The following KCNT2 variants were observed in gnomAD, a reference collection of about 807,000 sequenced individuals.
The protein encoded by KCNT2 is potassium sodium-activated channel subfamily T member 2.
Under a neutral mutation model 153.8 loss-of-function variants are expected in KCNT2, and 67 were observed. The ratio of observed to expected loss-of-function variants is 0.44; its 90% CI spans 0.36 to 0.53. KCNT2 has a LOEUF of 0.53. Ranked by LOEUF, KCNT2 falls within the 20% of genes least tolerant of loss-of-function variation. The probability of loss-of-function intolerance (pLI) is 0.00; values close to 1 mark genes in which losing one functional copy is unlikely to be tolerated. For missense variants in KCNT2, 975 were observed against 1,354.8 expected (o/e 0.72, Z 4.40); for synonymous variants, 500 against 458.8 (o/e 1.09, Z -1.15).
intron 25 of KCNT2, among the ~76,000 whole-genome samples, chr1:196,271,047 C>A (rs1276849487): frequency 6.6e-6 from 1 of 151,898 alleles, no homozygotes; most frequent in Non-Finnish European, 1.5e-5. Context: ...CACACACACA[C>A]AAACACACAC....
chr1:196,540,480 T>C (rs1183389386), intron 1 of KCNT2, among the ~76,000 whole-genome samples: 1 of 152,158 alleles, frequency 6.6e-6, no homozygotes, highest in African/African-American at 2.4e-5. Context: ...AATTATGCAA[T>C]GCAAAATAAA....
chr1:196,451,407 A>ATTTTTTTTTTTT (rs35621901), intron 8 of KCNT2, among the ~76,000 whole-genome samples: 33 of 62,884 alleles, frequency 5.2e-4, no homozygotes, highest in African/African-American at 1.5e-3. Flanking sequence ...CACCCAACAC[A>ATTTTTTTTTTTT]TTTTTTTTTT....
chr1:196,429,870 C>A (rs1673982803), intron 8 of KCNT2, 113 bp from the exon 9 acceptor site: 1 of 635,688 alleles, frequency 1.6e-6, no homozygotes, highest in Non-Finnish European at 2.7e-6. Flanking sequence ...AATAGTCCCT[C>A]TTATATTTTA....
At chr1:196,468,902 T>G in intron 6 of KCNT2, 92 bp downstream of exon 6, 3 of 754,088 alleles carry the variant, frequency 4.0e-6, no homozygotes, top group Non-Finnish European at 6.7e-6. Context: ...CCATTTATCT[T>G]AGCTACCATA....
intron 12 of KCNT2, among the ~76,000 whole-genome samples, chr1:196,412,453 T>C (rs1349904523): frequency 6.6e-6 from 1 of 151,762 alleles, no homozygotes; most frequent in Admixed American, 6.6e-5. Context: ...AATAATGTTA[T>C]ACTAGGGTAC....
intron 21 of KCNT2, among the ~76,000 whole-genome samples, chr1:196,306,127 C>T (rs567504889): frequency 6.6e-6 from 1 of 152,114 alleles, no homozygotes; most frequent in East Asian, 1.9e-4. Flanking sequence ...CTATGCATCC[C>T]TGGTAGCTTT....
intron 1 of KCNT2, among the ~76,000 whole-genome samples, chr1:196,580,025 G>A (rs1388387865): frequency 6.6e-6 from 1 of 152,122 alleles, no homozygotes; most frequent in African/African-American, 2.4e-5. Flanking sequence ...CATGTGGAAA[G>A]GTAGAATAAA....
chr1:196,257,941 A>G (rs1656658636), intron 26 of KCNT2: 1 of 1,119,364 alleles, frequency 8.9e-7, no homozygotes, highest in Non-Finnish European at 1.1e-6. Flanking sequence ...TTTTTGTGAA[A>G]ATTAAAATTA....
intron 25 of KCNT2, among the ~76,000 whole-genome samples, chr1:196,277,567 G>T (rs962475371): frequency 2.0e-5 from 3 of 152,108 alleles, no homozygotes; most frequent in African/African-American, 7.2e-5. Flanking sequence ...CAGCAGCAAA[G>T]CTTTCTGAAC....
chr1:196,537,979 G>A (rs1655828470), intron 1 of KCNT2, among the ~76,000 whole-genome samples: 1 of 152,164 alleles, frequency 6.6e-6, no homozygotes, highest in South Asian at 2.1e-4. Context: ...TGCACCTGAA[G>A]GTCCCCATTC....
chr1:196,389,332 A>G (rs1385537485), intron 13 of KCNT2, among the ~76,000 whole-genome samples: 2 of 151,694 alleles, frequency 1.3e-5, no homozygotes, highest in Non-Finnish European at 3.0e-5. Context: ...CTAATCAAAT[A>G]ATGCCGGCCT....
chr1:196,573,237 G>A (rs969504584), intron 1 of KCNT2, among the ~76,000 whole-genome samples: 3 of 152,098 alleles, frequency 2.0e-5, no homozygotes, highest in African/African-American at 7.2e-5. Flanking sequence ...CTAAAAAAGA[G>A]AGAATTGTGA....
intron 11 of KCNT2, 102 bp from the exon 12 acceptor site, chr1:196,423,215 A>T (rs1305816873): frequency 1.5e-6 from 1 of 652,534 alleles, no homozygotes; most frequent in Non-Finnish European, 2.7e-6. Flanking sequence ...CACAAAATGT[A>T]CATGTAGACC....
At chr1:196,284,544 T>C (rs1659478159) in intron 23 of KCNT2, among the ~76,000 whole-genome samples, 1 of 151,870 alleles carries the variant, frequency 6.6e-6, no homozygotes, top group Admixed American at 6.6e-5. Context: ...TTGGCTCCTA[T>C]TGATATAAAA....
Position 196,226,530 on chromosome 1 carries a change from G to A in KCNT2, c.*1694C>T, listed in dbSNP as rs1054541127. 1 of 151,602 alleles carries A rather than the reference G, an allele frequency of 6.6e-6. No individual in the cohort carries two copies. The highest frequency in any genetic ancestry group is 2.4e-5 in the African/African-American group (1 of 41,330). 9.4% of individuals were successfully genotyped at this position (151,602 alleles called of 1,614,324 possible). ...TCTGATCAAAGTAGATTAAATACAG[G>A]GTCTCTGTTTTAGGGGTAATTCTTG... On this transcript the variant is annotated 3_prime_UTR_variant, in exon 28 of 28. Coordinates refer to ENST00000294725, the MANE Select transcript of KCNT2 (RefSeq NM_198503.5).
intron 1 of KCNT2, among the ~76,000 whole-genome samples, chr1:196,547,709 T>C (rs1657293619): frequency 6.6e-6 from 1 of 151,976 alleles, no homozygotes; most frequent in African/African-American, 2.4e-5. Context: ...TGTCTAAAAT[T>C]ATCACATCAA....
At chr1:196,398,769 T>C in intron 12 of KCNT2, 98 bp from the exon 13 acceptor site, 2 of 591,106 alleles carry the variant, frequency 3.4e-6, no homozygotes, top group Non-Finnish European at 5.9e-6. Flanking sequence ...ACATCCATAG[T>C]TAAAACTTAA....
intron 3 of KCNT2, among the ~76,000 whole-genome samples, chr1:196,484,956 C>G (rs1679307283): frequency 6.6e-6 from 1 of 151,972 alleles, no homozygotes; most frequent in African/African-American, 2.4e-5. Flanking sequence ...GGTATATAAC[C>G]AAAGGAGTAT....
Position 196,423,111 on chromosome 1 carries a change from A to T in KCNT2, c.1124T>A (p.Met375Lys), listed in dbSNP as rs551415738. 1 of 1,596,378 alleles carries T rather than the reference A, an allele frequency of 6.3e-7. No homozygotes were observed. Among genetic ancestry groups the T allele is most frequent in the East Asian group, 2.3e-5 (1 of 44,236 alleles). The change falls in exon 12 of 28, where the codon ATG (methionine) becomes AAG (lysine). Residue 375 changes from methionine (M) to lysine (K), a missense_variant and splice_region_variant. By Grantham distance (95) the Met-to-Lys change is moderately conservative. This residue lies in a region of KCNT2 where 202 missense variants were observed against 314.9 expected (regional missense o/e 0.64). Transcript: ENST00000294725. Reference sequence around the variant, plus strand: ...AATAAAACAGGCCTCAGCGTCATCCATCCTAAATACAGATGGAAAAACAAA... The same window carrying T: ...AATAAAACAGGCCTCAGCGTCATCCTTCCTAAATACAGATGGAAAAACAAA... ...LKDQDLLRAK[M>K]DDAEACFILS...
Sources: allele counts gnomAD v4.1 joint callset (sites outside exome capture counted in the v4.1 genomes callset), GRCh38; gene constraint gnomAD v4.1.1; regional missense constraint gnomAD v4.1.1; transcripts MANE v1.5; gene names NCBI Gene and HGNC (gene_info 2026-07-23, HGNC 2026-07-21).